Variants in ZNF423 observed in about 807,000 individuals in gnomAD.
ZNF423 encodes the protein zinc finger protein 423, also known as Ebf-associated zinc finger protein.
Under a neutral mutation model 95.8 loss-of-function variants are expected in ZNF423, and 12 were observed. The observed-to-expected ratio is 0.13, with a 90% confidence interval of 0.08 to 0.20. The LOEUF (loss-of-function observed/expected upper bound fraction) is 0.20. ZNF423 is among the 10% of genes least tolerant of loss of function. ZNF423 has a pLI of 1.00. For synonymous variants in ZNF423, 749 were observed against 711.9 expected, an observed-to-expected ratio of 1.05 and a Z score of -0.83; for missense variants, 1,316 against 1,737.1, an observed-to-expected ratio of 0.76 and a Z score of 4.31.
intron 5 of ZNF423, among the ~76,000 whole-genome samples, chr16:49,625,828 G>A (rs1418812035): frequency 6.6e-6 from 1 of 152,246 alleles, no homozygotes; most frequent in Non-Finnish European, 1.5e-5. Context: ...AATGTGAGCA[G>A]TTAAATCTAT....
At chr16:49,858,470 A>G (rs756598740), upstream of ZNF423, among the ~76,000 whole-genome samples, 1 of 150,554 alleles carries the variant, frequency 6.6e-6, no homozygotes, top group Non-Finnish European at 1.5e-5. This position sits in a 1 kb window ranked among gnomAD's most constrained non-coding sequence, Gnocchi z 4.3. Context: ...CGCGCGCCCT[A>G]GGCAGTCTCA....
intron 3 of ZNF423, among the ~76,000 whole-genome samples, chr16:49,644,643 A>G (rs1480550849): frequency 7.5e-6 from 1 of 132,722 alleles, no homozygotes; most frequent in Non-Finnish European, 1.6e-5. Context: ...GGGTAACAAG[A>G]GTAAAACTCT....
chr16:49,561,846 G>A (rs1236297228), intron 5 of ZNF423, among the ~76,000 whole-genome samples: 1 of 152,164 alleles, frequency 6.6e-6, no homozygotes, highest in Non-Finnish European at 1.5e-5. Flanking sequence ...ATTTGAAGAC[G>A]CCAGGATTGC....
At chr16:49,796,121 G>A (rs142208544) in intron 1 of ZNF423, among the ~76,000 whole-genome samples, 70 of 152,250 alleles carry the variant, frequency 4.6e-4, no homozygotes, top group Non-Finnish European at 8.1e-4. Flanking sequence ...GTGGGAGGCT[G>A]ATTGACGAAT....
At chr16:49,549,479 C>T (rs1273749973) in intron 5 of ZNF423, among the ~76,000 whole-genome samples, 1 of 152,316 alleles carries the variant, frequency 6.6e-6, no homozygotes, top group East Asian at 1.9e-4. Flanking sequence ...GGGACTGTCC[C>T]TGGGCCCAAA....
intron 1 of ZNF423, chr16:49,822,741 G>T: frequency 1.9e-6 from 3 of 1,598,054 alleles, no homozygotes; most frequent in Non-Finnish European, 2.6e-6. Context: ...AAGTTTTCCT[G>T]GGGGAATAAA....
intron 5 of ZNF423, among the ~76,000 whole-genome samples, chr16:49,587,317 G>A (rs1970874095): frequency 6.6e-6 from 1 of 152,192 alleles, no homozygotes; most frequent in South Asian, 2.1e-4. Context: ...CACTGACCCT[G>A]CATTTGGCGA....
intron 2 of ZNF423, among the ~76,000 whole-genome samples, chr16:49,784,858 G>A (rs763947122): frequency 5.9e-5 from 9 of 151,742 alleles, no homozygotes; most frequent in Non-Finnish European, 1.2e-4. Context: ...GCTGAGGCAG[G>A]AGAATCGCTT....
At chr16:49,647,327 T>C (rs1973215937) in intron 3 of ZNF423, among the ~76,000 whole-genome samples, 1 of 152,232 alleles carries the variant, frequency 6.6e-6, no homozygotes, top group South Asian at 2.1e-4. Flanking sequence ...TAAAGTAGCC[T>C]GCTGCTTAAA....
intron 4 of ZNF423, among the ~76,000 whole-genome samples, chr16:49,634,647 T>C (rs1972619194): frequency 6.6e-6 from 1 of 152,204 alleles, no homozygotes; most frequent in Non-Finnish European, 1.5e-5. Context: ...TCCCTGCCAA[T>C]GGTGCCAGCA....
intron 5 of ZNF423, among the ~76,000 whole-genome samples, chr16:49,559,747 T>C (rs1260499786): frequency 1.3e-5 from 2 of 152,204 alleles, no homozygotes; most frequent in Non-Finnish European, 2.9e-5. Context: ...TGCTGGCCAA[T>C]GTACCCAGAT....
chr16:49,545,096 C>T, intron 5 of ZNF423, among the ~76,000 whole-genome samples: 1 of 152,346 alleles, frequency 6.6e-6, no homozygotes, highest in South Asian at 2.1e-4. Flanking sequence ...TGATCCAGGA[C>T]CGAAATGCAA....
At chr16:49,596,522 T>A (rs543238510) in intron 5 of ZNF423, among the ~76,000 whole-genome samples, 1 of 152,378 alleles carries the variant, frequency 6.6e-6, no homozygotes, top group East Asian at 1.9e-4. Context: ...AATTGTTGCA[T>A]ACATCCCAAA....
intron 7 of ZNF423, among the ~76,000 whole-genome samples, chr16:49,502,368 G>A (rs1425261088): frequency 6.6e-6 from 1 of 152,194 alleles, no homozygotes; most frequent in Non-Finnish European, 1.5e-5. Flanking sequence ...GGGTTCTGCT[G>A]CCTCATGGGC....
chr16:49,664,308 G>GGCGCTTGGCGGAGGACCCAGCTA, intron 3 of ZNF423: 1 of 985,650 alleles, frequency 1.0e-6, no homozygotes, highest in Non-Finnish European at 1.2e-6. Context: ...CTCCCGCGGC[G>GGCGCTTGGCGGAGGACCCAGCTA]GCGCTTGGCG....
rs201769739 is a variant in ZNF423 at position 49,637,946 on chromosome 16, C to T, written c.1230G>A (p.Gln410=). 2.8e-5 allele frequency: 45 copies of T among 1,614,040 alleles called. No individual in the cohort carries two copies. Among genetic ancestry groups the T allele is most frequent in the Non-Finnish European group, 3.6e-5 (42 of 1,180,054 alleles). The change falls in exon 4 of 8, where the codon CAG becomes CAA. Residue 410 remains glutamine (Q), a synonymous_variant. Transcript: ENST00000563137. The surrounding 1 kb of genome is among the most constrained non-coding windows in gnomAD (Gnocchi z 5.6). ...AGCTATAGACCACCTTGGTCCAGCC[C>T]TGCCCGTCATCCCGCATCTTCTTCT... ...RGQKKMRDDG[Q]GWTKVVYSCP...
At chr16:49,538,701 G>A (rs1969142522) in intron 5 of ZNF423, among the ~76,000 whole-genome samples, 1 of 152,198 alleles carries the variant, frequency 6.6e-6, no homozygotes, top group African/African-American at 2.4e-5. Flanking sequence ...ACTCATTCCT[G>A]AGGGTTAGGG....
At position 49,635,815 on chromosome 16, in the gene ZNF423, C is replaced by T. The variant is rs147898137; in HGVS notation, c.3361G>A (p.Ala1121Thr). 0.015 allele frequency: 24,130 copies of T among 1,609,014 alleles called. 244 individuals carry two copies. The highest frequency in any genetic ancestry group is 0.017 in the Non-Finnish European group (20,088 of 1,178,330). ...QVGGLAPPEP[A>T]DRPCAGLRCP... The stretch of plus-strand genomic sequence containing the variant: ...CGGAGGCCGGCACAGGGCCGGTCGG[C>T]GGGCTCGGGCGGGGCCAGGCCACCC... The change falls in exon 4 of 8, where the codon GCC becomes ACC. Residue 1121 changes from alanine to threonine, a missense_variant. Around this residue, in one of 6 missense-constraint regions of ZNF423, gnomAD observed 620 missense variants for 775.6 expected, o/e 0.80. Transcript: ENST00000563137. The surrounding 1 kb of genome is among the most constrained non-coding windows in gnomAD (Gnocchi z 4.8).
At chr16:49,717,341 C>A (rs903296172) in intron 3 of ZNF423, among the ~76,000 whole-genome samples, 2 of 152,220 alleles carry the variant, frequency 1.3e-5, no homozygotes, top group Non-Finnish European at 1.5e-5. Context: ...GGCTGGACTT[C>A]CAGCCAAGCT....
Sources: gnomAD v4.1 joint callset for allele counts (sites outside exome capture counted in the v4.1 genomes callset) on GRCh38, gnomAD v4.1.1 for gene constraint, gnomAD v4.1.1 regional missense constraint, Gnocchi (gnomAD v3.1) non-coding constraint, MANE v1.5 for transcripts, NCBI Gene and HGNC (gene_info 2026-07-23, HGNC 2026-07-21) for gene names.